The following LRP1B variants were observed in gnomAD, a reference collection of about 807,000 sequenced individuals.
LRP1B encodes the protein low-density lipoprotein receptor-related protein 1B.
A neutral mutation model predicts 556.6 loss-of-function variants in LRP1B; 217 were observed. The observed-to-expected ratio is 0.39, with a 90% confidence interval of 0.35 to 0.44. LRP1B has a LOEUF of 0.44. LRP1B is among the 20% of genes least tolerant of loss of function. The probability of loss-of-function intolerance (pLI) is 1.00; values close to 1 mark genes in which losing one functional copy is unlikely to be tolerated. For synonymous variants in LRP1B, 2,047 were observed against 1,865.8 expected, an observed-to-expected ratio of 1.10 and a Z score of -2.50; for missense variants, 5,053 against 5,620.8, an observed-to-expected ratio of 0.90 and a Z score of 3.23.
At chr2:141,354,312 T>C (rs145834204) in intron 3 of LRP1B, among the ~76,000 whole-genome samples, 1,781 of 152,174 alleles carry the variant, frequency 0.012, 23 homozygotes, top group Middle Eastern at 0.02. Flanking sequence ...AAGATGTAGT[T>C]ATCTAGAAGA....
At chr2:141,481,358 T>C (rs1682912265) in intron 2 of LRP1B, among the ~76,000 whole-genome samples, 1 of 152,078 alleles carries the variant, frequency 6.6e-6, no homozygotes, top group Admixed American at 6.6e-5. Flanking sequence ...ACTTTCCAAA[T>C]CCCCATATGA....
intron 3 of LRP1B, among the ~76,000 whole-genome samples, chr2:141,345,716 G>A (rs191105433): frequency 2.7e-5 from 4 of 148,686 alleles, no homozygotes; most frequent in African/African-American, 7.5e-5. Flanking sequence ...TTTTGCCCAG[G>A]CTGGTCTTGA....
chr2:141,690,401 ATATATATATATATATATATATATATAT>A (rs1691476279), intron 2 of LRP1B, among the ~76,000 whole-genome samples: 8 of 107,558 alleles, frequency 7.4e-5, no homozygotes, highest in South Asian at 3.2e-4. Context: ...CTATAAATAT[ATATATATATATATATATATATATATAT>A]ATATATATAT....
intron 2 of LRP1B, among the ~76,000 whole-genome samples, chr2:141,753,342 T>A (rs1374140670): frequency 6.9e-6 from 1 of 145,562 alleles, no homozygotes; most frequent in African/African-American, 2.6e-5. Context: ...CGTTTTATTT[T>A]CCTTTGTTTT....
At position 140,531,787 on chromosome 2, in the gene LRP1B, T is replaced by C. The variant is rs138635284; in HGVS notation, c.7762+2234A>G. The stretch of plus-strand genomic sequence containing the variant: ...AATGTCATCAAGCGAGTATCTACTA[T>C]TGGCCAAATATGACGGATACCTCCA... On this transcript the variant is annotated intron_variant, in intron 47 of 90. Transcript: ENST00000389484. Among the ~76,000 whole-genome samples, 121 of 152,266 alleles carry C rather than the reference T, an allele frequency of 7.9e-4. 2 individuals carry two copies. Among genetic ancestry groups the C allele is most frequent in the South Asian group, 4.1e-4 (2 of 4,828 alleles).
At chr2:141,900,633 T>G (rs1033296749) in intron 1 of LRP1B, among the ~76,000 whole-genome samples, 1 of 152,066 alleles carries the variant, frequency 6.6e-6, no homozygotes, top group Non-Finnish European at 1.5e-5. Context: ...ATTTCTATTC[T>G]TTTAAAGAAA....
At chr2:141,122,990 A>G (rs1381950872) in intron 7 of LRP1B, among the ~76,000 whole-genome samples, 1 of 152,082 alleles carries the variant, frequency 6.6e-6, no homozygotes, top group Admixed American at 6.6e-5. Context: ...TCAGTAAACT[A>G]TTGCAAGGAC....
chr2:141,760,702 C>T (rs904001993), intron 2 of LRP1B, among the ~76,000 whole-genome samples: 1 of 152,070 alleles, frequency 6.6e-6, no homozygotes, highest in Admixed American at 6.6e-5. Context: ...TTGTTTCATA[C>T]AAGAACACTA....
chr2:142,077,959 T>C (rs1033469499), intron 1 of LRP1B, among the ~76,000 whole-genome samples: 4 of 152,166 alleles, frequency 2.6e-5, no homozygotes, highest in Non-Finnish European at 4.4e-5. Flanking sequence ...ACTAACACTT[T>C]GAATGGAAAA....
chr2:141,248,040 T>C (rs1377698542), intron 4 of LRP1B, among the ~76,000 whole-genome samples: 1 of 152,134 alleles, frequency 6.6e-6, no homozygotes. Context: ...AGACCCTGTC[T>C]CTACTAAAAA....
chr2:140,492,584 G>C lies in LRP1B; in HGVS notation c.9120+24C>G, dbSNP rs201383391. ...ACCTAGTGCACATGTTAAATGTTAC[G>C]GTGTCATCTTGGGAGTGTCATACCT... On this transcript the variant is annotated intron_variant, in intron 57 of 90. Transcript: ENST00000389484. 2.0e-6 allele frequency: 3 copies of C among 1,532,240 alleles called. No homozygotes were observed. The Admixed American group carries it at 5.0e-5, about 26-fold the overall frequency. 94.9% of individuals were successfully genotyped at this position (1,532,240 alleles called of 1,614,324 possible). A position where few individuals can be genotyped will look rare whatever the true frequency, so the allele number is the denominator to read the frequency against.
chr2:140,832,416 T>C (rs1246600281), intron 31 of LRP1B, among the ~76,000 whole-genome samples: 1 of 152,200 alleles, frequency 6.6e-6, no homozygotes. Flanking sequence ...TGAGTATATA[T>C]TCAAAAGTAA....
chr2:141,779,115 GTTATA>G (rs777613229), intron 2 of LRP1B, among the ~76,000 whole-genome samples: 42 of 152,120 alleles, frequency 2.8e-4, no homozygotes, highest in Non-Finnish European at 1.6e-4. Flanking sequence ...ATTCAGAGAG[GTTATA>G]TAACACGTTG....
At chr2:141,530,206 GTAA>G (rs768453784) in intron 2 of LRP1B, among the ~76,000 whole-genome samples, 27 of 152,084 alleles carry the variant, frequency 1.8e-4, no homozygotes, top group Non-Finnish European at 3.8e-4. Context: ...GCTGGTATAG[GTAA>G]TGCCTATAAC....
intron 3 of LRP1B, among the ~76,000 whole-genome samples, chr2:141,395,989 C>G (rs527995292): frequency 6.6e-6 from 1 of 152,218 alleles, no homozygotes; most frequent in Non-Finnish European, 1.5e-5. Flanking sequence ...CAGGTGACCT[C>G]TATGGCACTC....
At chr2:141,509,016 C>T (rs1271661895) in intron 2 of LRP1B, among the ~76,000 whole-genome samples, 2 of 152,086 alleles carry the variant, frequency 1.3e-5, no homozygotes, top group African/African-American at 4.8e-5. Flanking sequence ...TTGGCATTTG[C>T]TAGGGCTATA....
At chr2:140,940,215 G>A (rs750860767) in intron 20 of LRP1B, among the ~76,000 whole-genome samples, 2 of 151,876 alleles carry the variant, frequency 1.3e-5, no homozygotes, top group Non-Finnish European at 2.9e-5. Context: ...AAACATTTCT[G>A]AATAGAAACT....
intron 1 of LRP1B, among the ~76,000 whole-genome samples, chr2:141,811,112 G>C (rs868022002): frequency 9.2e-5 from 14 of 151,856 alleles, no homozygotes; most frequent in African/African-American, 3.1e-4. Flanking sequence ...TCAAGTCCTC[G>C]CAAACTCATC....
At chr2:141,329,464 G>C (rs928019522) in intron 3 of LRP1B, among the ~76,000 whole-genome samples, 1 of 151,052 alleles carries the variant, frequency 6.6e-6, no homozygotes, top group Non-Finnish European at 1.5e-5. Flanking sequence ...CCAACACAGT[G>C]AAACCCTGTC....
Sources: allele counts gnomAD v4.1 joint callset (sites outside exome capture counted in the v4.1 genomes callset), GRCh38; gene constraint gnomAD v4.1.1; transcripts MANE v1.5; gene names NCBI Gene and HGNC (gene_info 2026-07-23, HGNC 2026-07-21).